Variants in FSTL5 observed in about 807,000 individuals in gnomAD.
FSTL5 encodes follistatin like 5.
Under a neutral mutation model 89.1 loss-of-function variants are expected in FSTL5, and 62 were observed. The observed-to-expected ratio is 0.70, with a 90% CI of 0.57 to 0.86. The LOEUF is 0.86. FSTL5 is among the 40% of genes least tolerant of loss of function. FSTL5 has a pLI of 0.00. For synonymous variants in FSTL5, 383 were observed against 346.2 expected, an observed-to-expected ratio of 1.11 and a Z score of -1.18; for missense variants, 1,057 against 1,001.6, an observed-to-expected ratio of 1.06 and a Z score of -0.75.
intron 2 of FSTL5, among the ~76,000 whole-genome samples, chr4:162,109,788 A>G (rs1363976368): frequency 6.6e-6 from 1 of 152,108 alleles, no homozygotes; most frequent in Non-Finnish European, 1.5e-5. Context: ...TCACAGCACC[A>G]GAAATAAAAG....
At chr4:161,722,426 C>T (rs890325682) in intron 6 of FSTL5, among the ~76,000 whole-genome samples, 3 of 152,046 alleles carry the variant, frequency 2.0e-5, no homozygotes, top group African/African-American at 2.4e-5. Context: ...TATCACATTA[C>T]TCAATTTCAA....
chr4:161,883,081 T>G (rs954973229), intron 4 of FSTL5, among the ~76,000 whole-genome samples: 1 of 152,216 alleles, frequency 6.6e-6, no homozygotes, highest in African/African-American at 2.4e-5. Context: ...TTAGGATGTT[T>G]GGAAACCATA....
At chr4:162,002,741 G>T (rs1736500328) in intron 3 of FSTL5, among the ~76,000 whole-genome samples, 1 of 142,960 alleles carries the variant, frequency 7.0e-6, no homozygotes, top group African/African-American at 2.6e-5. Context: ...TCTCTTCTAT[G>T]TTACTGCATT....
chr4:161,917,903 C>G (rs929554830), intron 4 of FSTL5, among the ~76,000 whole-genome samples: 5 of 152,130 alleles, frequency 3.3e-5, no homozygotes, highest in Non-Finnish European at 7.4e-5. Flanking sequence ...TTTTTTAACT[C>G]CCATTCTAAG....
chr4:161,594,495 C>A lies in FSTL5; in HGVS notation c.895-6920G>T, dbSNP rs542985700. The stretch of plus-strand genomic sequence containing the variant: ...ATGTAAAAATTATCCAAGACTGCAA[C>A]TTTTAAAGTGTTTTATTGAAATCTG... On this transcript the variant is annotated intron_variant, in intron 7 of 15. Transcript: ENST00000306100. Among the ~76,000 whole-genome samples, 40 of 152,114 alleles carry A rather than the reference C, an allele frequency of 2.6e-4. 1 individual carries two copies. Among genetic ancestry groups the A allele is most frequent in the African/African-American group, 9.6e-4 (40 of 41,520 alleles).
At position 161,927,470 on chromosome 4, in the gene FSTL5, T is replaced by C. The variant is rs145168192; in HGVS notation, c.161-6818A>G. The stretch of plus-strand genomic sequence containing the variant: ...TCCAGCCAAACTTCAGACTATAATG[T>C]TTATTGTTAAAGTCAGTCCAGCAAT... On this transcript the variant is annotated intron_variant, in intron 3 of 15. Coordinates refer to ENST00000306100, the MANE Select transcript of FSTL5 (RefSeq NM_020116.5). Among the ~76,000 whole-genome samples, 634 of 151,806 alleles carry C rather than the reference T, an allele frequency of 4.2e-3. 5 individuals carry two copies. The highest frequency in any genetic ancestry group is 0.015 in the African/African-American group (612 of 41,492).
At chr4:162,163,348 G>C (rs1477792066) in intron 1 of FSTL5, among the ~76,000 whole-genome samples, 1 of 151,066 alleles carries the variant, frequency 6.6e-6, no homozygotes, top group African/African-American at 2.4e-5. Flanking sequence ...TATAAAGCAA[G>C]ATATAACATA....
At chr4:161,546,125 A>G (rs1276897763) in intron 8 of FSTL5, among the ~76,000 whole-genome samples, 1 of 151,542 alleles carries the variant, frequency 6.6e-6, no homozygotes, top group African/African-American at 2.4e-5. Context: ...ATTTAACTCC[A>G]GATTAGATAC....
At chr4:161,693,563 T>A (rs562687249) in intron 6 of FSTL5, among the ~76,000 whole-genome samples, 1 of 152,024 alleles carries the variant, frequency 6.6e-6, no homozygotes, top group African/African-American at 2.4e-5. Context: ...TGTGTGTTTC[T>A]AGAAATTTGT....
chr4:161,915,799 C>T (rs540747424), intron 4 of FSTL5, among the ~76,000 whole-genome samples: 1 of 151,628 alleles, frequency 6.6e-6, no homozygotes, highest in Non-Finnish European at 1.5e-5. Flanking sequence ...AAACAAAAAT[C>T]TGGATATCAT....
intron 3 of FSTL5, among the ~76,000 whole-genome samples, chr4:161,987,674 C>CAGTGA (rs1736005053): frequency 6.8e-6 from 1 of 147,538 alleles, no homozygotes; most frequent in African/African-American, 2.5e-5. Context: ...TAATGAAATC[C>CAGTGA]AGTGACCTTA....
intron 2 of FSTL5, among the ~76,000 whole-genome samples, chr4:162,096,485 A>G (rs551888510): frequency 3.9e-5 from 6 of 151,942 alleles, no homozygotes; most frequent in African/African-American, 1.4e-4. Flanking sequence ...TGGCTGCTCA[A>G]CCTTCTGTTT....
At chr4:162,015,108 C>G (rs1736879720) in intron 3 of FSTL5, among the ~76,000 whole-genome samples, 1 of 152,098 alleles carries the variant, frequency 6.6e-6, no homozygotes, top group Non-Finnish European at 1.5e-5. Context: ...TGGAGTAAAA[C>G]TTTCCCACAG....
intron 4 of FSTL5, among the ~76,000 whole-genome samples, chr4:161,805,861 C>T (rs890769909): frequency 1.3e-5 from 2 of 151,886 alleles, no homozygotes; most frequent in Admixed American, 6.6e-5. Context: ...TTTTGGTTAC[C>T]CATGGTAAAC....
intron 4 of FSTL5, among the ~76,000 whole-genome samples, chr4:161,803,960 T>C (rs1016514610): frequency 1.6e-4 from 25 of 152,000 alleles, no homozygotes; most frequent in African/African-American, 5.8e-4. Context: ...ATTCAGGTTG[T>C]TAGCCAAATT....
chr4:161,895,256 T>G lies in FSTL5; in HGVS notation c.409+25148A>C, dbSNP rs150184112. Among the ~76,000 whole-genome samples the G allele has an allele frequency of 1.8e-4, 28 of 152,352 alleles. No homozygotes were observed. The East Asian group carries it at 5.2e-3, about 28-fold the overall frequency. ...TTCCAAATAATATGAGAAATGCTCT[T>G]TCTACTGTATAAAGAAAAAATAATG... On this transcript the variant is annotated intron_variant, in intron 4 of 15. Coordinates refer to ENST00000306100, the MANE Select transcript of FSTL5 (RefSeq NM_020116.5).
At chr4:162,018,125 C>T (rs917182118) in intron 3 of FSTL5, among the ~76,000 whole-genome samples, 1 of 152,028 alleles carries the variant, frequency 6.6e-6, no homozygotes. Flanking sequence ...GCTTCCAGGT[C>T]CTACACAGGC....
At chr4:162,101,974 T>C (rs1731013291) in intron 2 of FSTL5, among the ~76,000 whole-genome samples, 1 of 152,180 alleles carries the variant, frequency 6.6e-6, no homozygotes, top group Non-Finnish European at 1.5e-5. Flanking sequence ...TAACCCTTTT[T>C]CCTACATATA....
chr4:162,117,505 A>G (rs748564241), intron 1 of FSTL5, among the ~76,000 whole-genome samples: 1 of 152,212 alleles, frequency 6.6e-6, no homozygotes, highest in Non-Finnish European at 1.5e-5. Flanking sequence ...AAATCATCCA[A>G]TCTAGGTGCG....
Sources: gnomAD v4.1 joint callset for allele counts (sites outside exome capture counted in the v4.1 genomes callset) on GRCh38, gnomAD v4.1.1 for gene constraint, MANE v1.5 for transcripts, NCBI Gene and HGNC (gene_info 2026-07-23, HGNC 2026-07-21) for gene names.